The following UNC13B variants were observed in gnomAD, a reference collection of about 807,000 sequenced individuals.
UNC13B encodes protein unc-13 homolog B.
UNC13B carries 144 observed loss-of-function variants against 211.0 expected under a neutral mutation model. The ratio of observed to expected loss-of-function variants is 0.68; its 90% confidence interval spans 0.60 to 0.78. The LOEUF is 0.78. Ranked by LOEUF, UNC13B falls within the 30% of genes least tolerant of loss-of-function variation. The probability of loss-of-function intolerance (pLI) is 0.00; values close to 1 mark genes in which losing one functional copy is unlikely to be tolerated. For synonymous variants in UNC13B, 709 were observed against 725.8 expected (o/e 0.98, Z 0.37); for missense variants, 1,777 against 2,002.0 (o/e 0.89, Z 2.14).
At chr9:35,359,177 T>C (rs1008913947) in intron 11 of UNC13B, among the ~76,000 whole-genome samples, 3 of 152,208 alleles carry the variant, frequency 2.0e-5, no homozygotes, top group Non-Finnish European at 2.9e-5. Flanking sequence ...ATGTCTGGAC[T>C]CAATTCTATT....
chr9:35,390,475 T>TG (rs1298639681), intron 25 of UNC13B, among the ~76,000 whole-genome samples, 154 bp from the exon 26 acceptor site: 5 of 152,244 alleles, frequency 3.3e-5, no homozygotes, highest in Non-Finnish European at 7.3e-5. Flanking sequence ...CCCTGGCCCC[T>TG]GGGCCCCTTT....
At chr9:35,171,468 C>T (rs1359159096) in intron 1 of UNC13B, among the ~76,000 whole-genome samples, 1 of 152,176 alleles carries the variant, frequency 6.6e-6, no homozygotes, top group Non-Finnish European at 1.5e-5. Flanking sequence ...GTGATGTGAT[C>T]ATAGCTCACT....
intron 1 of UNC13B, among the ~76,000 whole-genome samples, chr9:35,164,941 C>G (rs1820954738): frequency 6.6e-6 from 1 of 152,110 alleles, no homozygotes; most frequent in Non-Finnish European, 1.5e-5. Flanking sequence ...CTTATGGTGA[C>G]CCAGACAAAG....
At chr9:35,188,528 T>C (rs1337130520) in intron 1 of UNC13B, among the ~76,000 whole-genome samples, 3 of 152,192 alleles carry the variant, frequency 2.0e-5, no homozygotes, top group Non-Finnish European at 4.4e-5. Flanking sequence ...GGCAATCTTA[T>C]GTGACAAAAC....
Position 35,399,336 on chromosome 9 carries a change from C to T in UNC13B, c.12198+52C>T, listed in dbSNP as rs367650964. ...CTGCTGTCTCCCTTCCCCTCACTCC[C>T]TGCTTCCTGATGGAGTTGGGGTCCT... is the stretch of plus-strand genomic sequence containing the variant. On this transcript the variant is annotated intron_variant, in intron 34 of 39. Coordinates refer to ENST00000635942, the MANE Select transcript of UNC13B (RefSeq NM_001371189.2). 8.7e-6 allele frequency: 14 copies of T among 1,614,038 alleles called. No homozygotes were observed. In the African/African-American group the frequency reaches 1.2e-4, roughly 14 times the overall value.
chr9:35,218,093 G>C (rs974659038), intron 1 of UNC13B, among the ~76,000 whole-genome samples: 1 of 152,012 alleles, frequency 6.6e-6, no homozygotes, highest in Non-Finnish European at 1.5e-5. Context: ...TGAGTACCTG[G>C]CATTTTTACT....
At chr9:35,280,919 C>T (rs1828445281) in intron 7 of UNC13B, among the ~76,000 whole-genome samples, 1 of 152,094 alleles carries the variant, frequency 6.6e-6, no homozygotes, top group Non-Finnish European at 1.5e-5. Context: ...GGTGTCTATG[C>T]TGAGTACAGT....
chr9:35,386,981 G>A (rs1293761268), intron 24 of UNC13B, among the ~76,000 whole-genome samples: 1 of 152,172 alleles, frequency 6.6e-6, no homozygotes, highest in African/African-American at 2.4e-5. Flanking sequence ...GGAGTTTCTT[G>A]CTGACCATAC....
intron 1 of UNC13B, among the ~76,000 whole-genome samples, chr9:35,222,121 G>A (rs1824599088): frequency 6.6e-6 from 1 of 151,892 alleles, no homozygotes; most frequent in African/African-American, 2.4e-5. Context: ...CCCCCAAAAT[G>A]TTTTTTGGCT....
intron 26 of UNC13B, among the ~76,000 whole-genome samples, chr9:35,393,016 C>T (rs1180533671): frequency 1.3e-5 from 2 of 152,120 alleles, no homozygotes; most frequent in Admixed American, 6.5e-5. Context: ...TTCCTTCTTG[C>T]CACTTTGCAG....
chr9:35,267,693 A>G (rs1443748690), intron 7 of UNC13B, among the ~76,000 whole-genome samples: 1 of 152,144 alleles, frequency 6.6e-6, no homozygotes, highest in African/African-American at 2.4e-5. Context: ...TCTGAGGTGT[A>G]GGTGAGTGCT....
intron 11 of UNC13B, chr9:35,351,402 A>G (rs1832711213): frequency 5.7e-6 from 7 of 1,229,706 alleles, no homozygotes; most frequent in South Asian, 4.3e-5. Flanking sequence ...TCAGCCAGCA[A>G]TAATTGCTAG....
rs1429955108 is a variant in UNC13B at position 35,375,204 on chromosome 9, A to G, written c.9615+3A>G. ...CTTCTCTTAAGGACGAAGAGCTGGTAAGTGTCCCAAGTGCTTTCGTAAGTC... is the reference window on the plus strand; with the variant it reads ...CTTCTCTTAAGGACGAAGAGCTGGTGAGTGTCCCAAGTGCTTTCGTAAGTC... On this transcript the variant is annotated splice_donor_region_variant and intron_variant, in intron 14 of 39. Transcript: ENST00000635942. The G allele has an allele frequency of 1.9e-6, 3 of 1,613,928 alleles. No individual in the cohort carries two copies. The highest frequency in any genetic ancestry group is 1.3e-5 in the African/African-American group (1 of 74,950).
chr9:35,191,941 G>A (rs111610117), intron 1 of UNC13B, among the ~76,000 whole-genome samples: 1,806 of 152,292 alleles, frequency 0.012, 20 homozygotes, highest in African/African-American at 0.033. Flanking sequence ...CACCAGATTG[G>A]CTACAGTTTA....
At chr9:35,233,348 C>T (rs1227143667) in intron 3 of UNC13B, among the ~76,000 whole-genome samples, 1 of 152,118 alleles carries the variant, frequency 6.6e-6, no homozygotes, top group Non-Finnish European at 1.5e-5. Flanking sequence ...ATAGCACTTC[C>T]CCTTTTGACC....
At chr9:35,287,480 A>G (rs1246607760) in intron 7 of UNC13B, among the ~76,000 whole-genome samples, 2 of 152,140 alleles carry the variant, frequency 1.3e-5, no homozygotes, top group Non-Finnish European at 2.9e-5. Context: ...GTTGCTCCAC[A>G]GCCTCACTGA....
intron 37 of UNC13B, among the ~76,000 whole-genome samples, chr9:35,402,282 CTTTTTTTT>C (rs1168729927): frequency 2.2e-5 from 3 of 136,884 alleles, no homozygotes; most frequent in South Asian, 2.3e-4. Flanking sequence ...TTCTTTTTTT[CTTTTTTTT>C]TTTTTTTTTG....
intron 7 of UNC13B, among the ~76,000 whole-genome samples, chr9:35,262,633 T>G (rs1312596033): frequency 6.6e-6 from 1 of 151,994 alleles, no homozygotes; most frequent in East Asian, 1.9e-4. Context: ...TTCTTTAATA[T>G]AATAAAAAAA....
intron 17 of UNC13B, among the ~76,000 whole-genome samples, chr9:35,378,674 G>A (rs867561050): frequency 4.6e-5 from 7 of 152,094 alleles, no homozygotes; most frequent in East Asian, 3.9e-4. Context: ...GGGGCCCTAG[G>A]GCACCCCATC....
Sources: gnomAD v4.1 joint callset for allele counts (sites outside exome capture counted in the v4.1 genomes callset) on GRCh38, gnomAD v4.1.1 for gene constraint, MANE v1.5 for transcripts, NCBI Gene and HGNC (gene_info 2026-07-23, HGNC 2026-07-21) for gene names.